UGT1A10: variants seen among roughly 807,000 people sequenced by gnomAD.
The protein encoded by UGT1A10 is UDP glucuronosyltransferase family 1 member A10, also known as UDP-glucuronosyltransferase 1A10.
In UGT1A10, 49 loss-of-function variants were observed where a neutral mutation model predicts 45.8. That is an observed-to-expected ratio of 1.07 (90% CI 0.85 to 1.36). The LOEUF is 1.36. Among genes scored for constraint, UGT1A10 ranks in the 40% most tolerant of loss-of-function variants. The probability of loss-of-function intolerance (pLI) is 0.00; values close to 1 mark genes in which losing one functional copy is unlikely to be tolerated. For synonymous variants in UGT1A10, 284 were observed against 249.7 expected (o/e 1.14, Z -1.29); for missense variants, 745 against 668.6 (o/e 1.11, Z -1.26).
intron 1 of UGT1A10, among the ~76,000 whole-genome samples, chr2:233,700,725 T>A (rs1022993283): frequency 6.6e-6 from 1 of 152,160 alleles, no homozygotes; most frequent in Non-Finnish European, 1.5e-5. Flanking sequence ...TTTTTAAAAA[T>A]TTTATTATTA....
intron 1 of UGT1A10, among the ~76,000 whole-genome samples, chr2:233,724,174 C>A (rs2077183841): frequency 8.0e-6 from 1 of 125,722 alleles, no homozygotes; most frequent in South Asian, 2.8e-4. Flanking sequence ...ACCCCCCCAT[C>A]TCCCTCCCGG....
intron 1 of UGT1A10, chr2:233,672,473 G>T (rs1054001269): frequency 6.2e-7 from 1 of 1,613,924 alleles, no homozygotes; most frequent in East Asian, 2.2e-5. Context: ...CTTGAAGAAG[G>T]TGCACAGTGC....
chr2:233,748,611 A>G (rs1693987516), intron 1 of UGT1A10, among the ~76,000 whole-genome samples: 1 of 151,804 alleles, frequency 6.6e-6, no homozygotes, highest in Non-Finnish European at 1.5e-5. Context: ...AGAGCAACGA[A>G]CGTGGGATAT....
At chr2:233,726,844 C>T (rs1432960908) in intron 1 of UGT1A10, among the ~76,000 whole-genome samples, 1 of 152,154 alleles carries the variant, frequency 6.6e-6, no homozygotes, top group Admixed American at 6.5e-5. Flanking sequence ...AATTTTTGTT[C>T]CTTTTCTCCA....
At position 233,666,607 on chromosome 2, in the gene UGT1A10, T is replaced by A. The variant is rs541591900; in HGVS notation, c.855+29230T>A. ...TTTACCAGTCTGTAGATGTTTTTTT[T>A]AAAGTAAACTCTTTTTGTTTGTTTG... On this transcript the variant is annotated intron_variant, in intron 1 of 4. Coordinates refer to ENST00000344644, the MANE Select transcript of UGT1A10 (RefSeq NM_019075.4). Among the ~76,000 whole-genome samples, 7 of 152,304 alleles carry A rather than the reference T, an allele frequency of 4.6e-5. 1 individual carries two copies. In the South Asian group the frequency reaches 1.5e-3, roughly 32 times the overall value.
intron 1 of UGT1A10, among the ~76,000 whole-genome samples, chr2:233,643,486 T>C (rs927530211): frequency 6.6e-6 from 1 of 152,136 alleles, no homozygotes; most frequent in African/African-American, 2.4e-5. Context: ...CCAGAAATGC[T>C]GTCCGAGTCA....
intron 1 of UGT1A10, among the ~76,000 whole-genome samples, chr2:233,690,346 A>G (rs1476855946): frequency 6.6e-6 from 1 of 152,206 alleles, no homozygotes; most frequent in African/African-American, 2.4e-5. Flanking sequence ...TGAAAGAGTT[A>G]GCACCTTAGA....
chr2:233,636,933 A>ACT lies in UGT1A10; in HGVS notation c.411_412insCT (p.Lys138LeufsTer19), dbSNP rs1344273277. 4 of 1,614,174 alleles carry ACT rather than the reference A, an allele frequency of 2.5e-6. No individual in the cohort carries two copies. The South Asian group carries it at 4.4e-5, about 18-fold the overall frequency. ...ATGACCGAAAATTAGTAGAATACTT[A>ACT]AAGGAGAGTTCTTTTGATGCAGTGT... On this transcript the variant is annotated frameshift_variant, in exon 1 of 5. Coordinates refer to ENST00000344644, the MANE Select transcript of UGT1A10 (RefSeq NM_019075.4). LOFTEE classifies it high-confidence loss of function.
At chr2:233,742,623 T>C (rs1436879759) in intron 1 of UGT1A10, 3 of 151,992 alleles carry the variant, frequency 2.0e-5, no homozygotes, top group Non-Finnish European at 2.9e-5. Flanking sequence ...ACGTTCAGGC[T>C]GAAGACAGTC....
intron 1 of UGT1A10, among the ~76,000 whole-genome samples, chr2:233,735,018 T>G (rs1362396194): frequency 6.6e-6 from 1 of 152,220 alleles, no homozygotes; most frequent in Non-Finnish European, 1.5e-5. Flanking sequence ...GTTCTGTAGA[T>G]GTCTATTAGG....
intron 1 of UGT1A10, among the ~76,000 whole-genome samples, chr2:233,680,213 G>C (rs1240097253): frequency 6.6e-6 from 1 of 152,038 alleles, no homozygotes; most frequent in Non-Finnish European, 1.5e-5. Flanking sequence ...GCACTTTATA[G>C]TCCCATGGTG....
At chr2:233,663,306 C>T (rs1398594147) in intron 1 of UGT1A10, among the ~76,000 whole-genome samples, 1 of 152,166 alleles carries the variant, frequency 6.6e-6, no homozygotes, top group African/African-American at 2.4e-5. Context: ...ATCAGTCTCC[C>T]CAAGCAATTT....
At chr2:233,743,105 G>C (rs1692204465) in intron 1 of UGT1A10, 2 of 354,440 alleles carry the variant, frequency 5.6e-6, no homozygotes, top group East Asian at 7.4e-5. Context: ...GGGTACAGCT[G>C]TTCTGAAAGT....
At chr2:233,736,641 C>G (rs1209687241) in intron 1 of UGT1A10, among the ~76,000 whole-genome samples, 1 of 152,216 alleles carries the variant, frequency 6.6e-6, no homozygotes, top group Non-Finnish European at 1.5e-5. Context: ...AGTTTCCCCC[C>G]ATCTTTGTGG....
At chr2:233,656,155 A>C (rs1465993624) in intron 1 of UGT1A10, among the ~76,000 whole-genome samples, 10 of 152,118 alleles carry the variant, frequency 6.6e-5, no homozygotes, top group Non-Finnish European at 1.0e-4. Flanking sequence ...GGCCATCCTG[A>C]CTCATGCGTA....
intron 1 of UGT1A10, chr2:233,672,305 G>T (rs1575415892): frequency 3.7e-6 from 6 of 1,613,752 alleles, no homozygotes; most frequent in Non-Finnish European, 5.1e-6. Context: ...TTTTCAAATT[G>T]CAGGAGTTTG....
Position 233,767,101 on chromosome 2 carries a change from T to C in UGT1A10, c.923T>C (p.Val308Ala). ...GIVVFSLGSM[V>A]SEIPEKKAMA... ...GTGGTTTTCTCTTTGGGATCAATGG[T>C]CTCAGAAATTCCAGAGAAGAAAGCT... Residue 308 changes from valine to alanine, a missense_variant, in exon 2 of 5, where the codon GTC (valine) becomes GCC (alanine). Val to Ala is a moderately conservative substitution (Grantham distance 64). Coordinates refer to ENST00000344644, the MANE Select transcript of UGT1A10 (RefSeq NM_019075.4). The C allele has an allele frequency of 6.2e-7, 1 of 1,614,160 alleles. No individual in the cohort carries two copies. The highest frequency in any genetic ancestry group is 8.5e-7 in the Non-Finnish European group (1 of 1,180,020).
intron 1 of UGT1A10, among the ~76,000 whole-genome samples, chr2:233,724,579 G>A (rs1401328538): frequency 7.9e-6 from 1 of 126,878 alleles, no homozygotes; most frequent in Non-Finnish European, 1.6e-5. Context: ...GGGCAGAGGC[G>A]CTCCCCACAT....
At chr2:233,707,320 C>T (rs2075955377) in intron 1 of UGT1A10, among the ~76,000 whole-genome samples, 1 of 152,246 alleles carries the variant, frequency 6.6e-6, no homozygotes, top group East Asian at 1.9e-4. Flanking sequence ...CATAGCTAAA[C>T]ATGTGCCATG....
Sources: allele counts gnomAD v4.1 joint callset (sites outside exome capture counted in the v4.1 genomes callset), GRCh38; gene constraint gnomAD v4.1.1; transcripts MANE v1.5; gene names NCBI Gene and HGNC (gene_info 2026-07-23, HGNC 2026-07-21).